The following ERMARD variants were observed in gnomAD, a reference collection of about 807,000 sequenced individuals.
ERMARD encodes endoplasmic reticulum membrane-associated RNA degradation protein.
ERMARD carries 71 observed loss-of-function variants against 83.9 expected under a neutral mutation model. The ratio of observed to expected loss-of-function variants is 0.85; its 90% CI spans 0.70 to 1.03. The LOEUF is 1.03. ERMARD is among the 50% of genes least tolerant of loss of function. The pLI is 0.00. For missense variants in ERMARD, 838 were observed against 810.9 expected, an observed-to-expected ratio of 1.03 and a Z score of -0.41; for synonymous variants, 284 against 298.6, an observed-to-expected ratio of 0.95 and a Z score of 0.50.
chr6:169,754,323 A>T (rs1308417321), intron 2 of ERMARD, among the ~76,000 whole-genome samples: 1 of 151,596 alleles, frequency 6.6e-6, no homozygotes, highest in South Asian at 2.1e-4. Flanking sequence ...CCTTGAGATG[A>T]TTCTCTGTAG....
chr6:169,762,431 T>G lies in ERMARD; in HGVS notation c.860T>G (p.Phe287Cys). Residue 287 changes from phenylalanine (F) to cysteine (C), a missense_variant and splice_region_variant, in exon 9 of 18, where the codon TTT becomes TGT. By Grantham distance (205) the Phe-to-Cys change is radical. Transcript: ENST00000366773. ...CTCTTTTCCCTTCAATTTCATAGGT[T>G]TGCTGACTGCGCCATATTGTTGCTG... ...VALVKFKSHR[F>C]ADCAILLLTQ... 1 of 1,613,712 alleles carries G rather than the reference T, an allele frequency of 6.2e-7. No individual in the cohort carries two copies. The highest frequency in any genetic ancestry group is 8.5e-7 in the Non-Finnish European group (1 of 1,179,792).
chr6:169,778,902 G>A (rs555098155), intron 16 of ERMARD, among the ~76,000 whole-genome samples: 1 of 152,360 alleles, frequency 6.6e-6, no homozygotes, highest in Non-Finnish European at 1.5e-5. Flanking sequence ...GAGCGTGCAT[G>A]GCCCCTGGCA....
chr6:169,773,874 C>T (rs1025410670), intron 13 of ERMARD, among the ~76,000 whole-genome samples: 2 of 152,108 alleles, frequency 1.3e-5, no homozygotes, highest in Admixed American at 6.5e-5. Flanking sequence ...ATTCTACATA[C>T]GGGAGGATAC....
upstream of ERMARD, chr6:169,751,453 C>T: frequency 1.2e-6 from 2 of 1,613,900 alleles, no homozygotes; most frequent in East Asian, 2.2e-5. Flanking sequence ...GGCCTCGCTT[C>T]TCCATCTCGC....
intron 7 of ERMARD, 96 bp downstream of exon 7, chr6:169,760,070 A>AAGTAGTCGGATGGCTACTTC: frequency 6.4e-7 from 1 of 1,555,648 alleles, no homozygotes; most frequent in South Asian, 1.2e-5. Flanking sequence ...AGGTGGGGTG[A>AAGTAGTCGGATGGCTACTTC]AGTAGTTGTT....
chr6:169,775,456 T>C, intron 14 of ERMARD, 110 bp downstream of exon 14: 1 of 1,235,822 alleles, frequency 8.1e-7, no homozygotes, highest in Non-Finnish European at 1.1e-6. Context: ...GAAGGAGGAA[T>C]TTCTGGGCCT....
intron 6 of ERMARD, 24 bp from the exon 7 acceptor site, chr6:169,759,814 A>G: frequency 6.3e-7 from 1 of 1,594,368 alleles, no homozygotes; most frequent in Non-Finnish European, 8.6e-7. Context: ...CATTTTTGTA[A>G]CAGATCTCTA....
chr6:169,760,795 T>C (rs1177319996), intron 8 of ERMARD, 39 bp downstream of exon 8: 1 of 1,399,770 alleles, frequency 7.1e-7, no homozygotes, highest in Non-Finnish European at 1.0e-6. Context: ...TTGCAGTGGT[T>C]GGAGGCCATT....
intron 1 of ERMARD, chr6:169,752,081 C>T (rs1426289520): frequency 9.8e-6 from 2 of 203,228 alleles, no homozygotes; most frequent in East Asian, 1.1e-4. Flanking sequence ...TGTTCATCGC[C>T]GGGCGTGGTG....
In ERMARD at chr6:169,762,442, G is replaced by T. The variant is rs953652750; in HGVS notation, c.871G>T (p.Ala291Ser). Residue 291 changes from alanine (A) to serine (S), a missense_variant, in exon 9 of 18, where the codon GCC becomes TCC. Coordinates refer to ENST00000366773, the MANE Select transcript of ERMARD (RefSeq NM_018341.3). Reference protein sequence around the residue: ...KFKSHRFADCAILLLTQLETG... With the variant: ...KFKSHRFADCSILLLTQLETG... ...TCAATTTCATAGGTTTGCTGACTGC[G>T]CCATATTGTTGCTGACACAACTGGA... The T allele has an allele frequency of 1.9e-6, 3 of 1,613,628 alleles. No individual in the cohort carries two copies. Among genetic ancestry groups the T allele is most frequent in the Non-Finnish European group, 1.7e-6 (2 of 1,179,884 alleles).
At chr6:169,775,179 TTTCTA>T (rs1585414282) in intron 13 of ERMARD, 86 bp from the exon 14 acceptor site, 2 of 1,303,150 alleles carry the variant, frequency 1.5e-6, no homozygotes, top group Non-Finnish European at 2.2e-6. Flanking sequence ...ATTTACGTAT[TTTCTA>T]GAGAGTGATG....
chr6:169,754,141 T>C, intron 2 of ERMARD, 109 bp downstream of exon 2: 2 of 1,046,106 alleles, frequency 1.9e-6, no homozygotes, highest in Non-Finnish European at 2.7e-6. Context: ...GATAATGTTA[T>C]AATACAGGCC....
chr6:169,777,712 G>A (rs1793755309), intron 16 of ERMARD, among the ~76,000 whole-genome samples: 2 of 152,200 alleles, frequency 1.3e-5, no homozygotes, highest in Admixed American at 1.3e-4. Context: ...AGTGATGGCA[G>A]TCCAGGTGGT....
intron 8 of ERMARD, among the ~76,000 whole-genome samples, 159 bp from the exon 9 acceptor site, chr6:169,762,270 A>G (rs1238722728): frequency 1.3e-5 from 2 of 151,744 alleles, no homozygotes; most frequent in African/African-American, 2.4e-5. Flanking sequence ...TTTTTTGTAG[A>G]GATGGGGTTT....
chr6:169,758,939 A>G lies in ERMARD; in HGVS notation c.508-29A>G, dbSNP rs548040025. 7.6e-5 allele frequency: 120 copies of G among 1,570,384 alleles called. No individual in the cohort carries two copies. In the South Asian group the frequency reaches 1.4e-3, roughly 18 times the overall value. On this transcript the variant is annotated intron_variant, in intron 5 of 17. Coordinates refer to ENST00000366773, the MANE Select transcript of ERMARD (RefSeq NM_018341.3). Reference sequence around the variant, plus strand: ...ATTGGTTTATTCAGTAATTCAGTATAATTAACTATGTAATGATTTGCGGAT... The same window carrying G: ...ATTGGTTTATTCAGTAATTCAGTATGATTAACTATGTAATGATTTGCGGAT...
intron 14 of ERMARD, 93 bp from the exon 15 acceptor site, chr6:169,775,847 C>T (rs988149908): frequency 3.5e-6 from 5 of 1,429,994 alleles, no homozygotes; most frequent in Non-Finnish European, 3.8e-6. Context: ...ACAGTCAGGT[C>T]GCTGCTCAGT....
Position 169,768,141 on chromosome 6 carries a change from G to C in ERMARD, c.1029G>C (p.Gln343His), listed in dbSNP as rs1792447922. 3 of 1,614,076 alleles carry C rather than the reference G, an allele frequency of 1.9e-6. No homozygotes were observed. The highest frequency in any genetic ancestry group is 2.5e-6 in the Non-Finnish European group (3 of 1,179,976). The stretch of plus-strand genomic sequence containing the variant: ...ACTTGAATGATGGTAAAATCAATCA[G>C]CTTCCTCTTTTCCTTGGAGAGCCTG... ...AKHLNDGKIN[Q>H]LPLFLGEPAM... is the part of the protein sequence containing the mutation. Residue 343 changes from glutamine to histidine, a missense_variant, in exon 11 of 18, where the codon CAG becomes CAC. Transcript: ENST00000366773.
At chr6:169,763,225 T>C (rs1791774952) in intron 9 of ERMARD, among the ~76,000 whole-genome samples, 1 of 152,150 alleles carries the variant, frequency 6.6e-6, no homozygotes, top group African/African-American at 2.4e-5. Context: ...GTGACTGAAA[T>C]AGGATAGAAG....
chr6:169,774,885 A>G (rs1793397539), intron 13 of ERMARD, among the ~76,000 whole-genome samples: 1 of 152,216 alleles, frequency 6.6e-6, no homozygotes, highest in Non-Finnish European at 1.5e-5. Flanking sequence ...TGCGGCCTGA[A>G]CTGGAGAGGC....
Sources: allele counts gnomAD v4.1 joint callset (sites outside exome capture counted in the v4.1 genomes callset), GRCh38; gene constraint gnomAD v4.1.1; transcripts MANE v1.5; gene names NCBI Gene and HGNC (gene_info 2026-07-23, HGNC 2026-07-21).